The following CARM1 variants were observed in gnomAD, a reference collection of about 807,000 sequenced individuals.
The protein encoded by CARM1 is histone-arginine methyltransferase CARM1.
CARM1 carries 14 observed loss-of-function variants against 72.7 expected under a neutral mutation model. The ratio of observed to expected loss-of-function variants is 0.19; its 90% confidence interval spans 0.13 to 0.30. The LOEUF (loss-of-function observed/expected upper bound fraction) is 0.30. Among genes scored for constraint, CARM1 ranks in the 10% least tolerant of loss-of-function variants. The probability of loss-of-function intolerance (pLI) is 1.00; values close to 1 mark genes in which losing one functional copy is unlikely to be tolerated. For synonymous variants in CARM1, 333 were observed against 345.5 expected (o/e 0.96, Z 0.40); for missense variants, 432 against 833.7 (o/e 0.52, Z 5.93).
In CARM1 at chr19:10,920,981, G is replaced by C; in HGVS notation, c.1537+35G>C. ...GCCCACCCCAATGCCCAGCCAACCC[G>C]GGAGGCCGCCCTCGCCGCAGGCCTG... is the stretch of plus-strand genomic sequence containing the variant. On this transcript the variant is annotated intron_variant, in intron 13 of 15. Transcript: ENST00000327064. The surrounding 1 kb of genome is among the most constrained non-coding windows in gnomAD (Gnocchi z 5.3). 3.1e-6 allele frequency: 5 copies of C among 1,612,984 alleles called. No individual in the cohort carries two copies. The East Asian group carries it at 1.1e-4, about 36-fold the overall frequency.
rs2074262545 is a variant in CARM1 at position 10,922,089 on chromosome 19, C to T, written c.*332C>T. The T allele has an allele frequency of 1.4e-5, 3 of 213,636 alleles. No individual in the cohort carries two copies. The highest frequency in any genetic ancestry group is 2.3e-5 in the African/African-American group (1 of 43,590). The allele number at this position is 213,636 out of a possible 1,614,324, so 13.2% of individuals were successfully genotyped here. On this transcript the variant is annotated 3_prime_UTR_variant, in exon 16 of 16. Transcript: ENST00000327064. ...GGCCTGCCAGCCCTGCCTGCCAGGTCCCTTAGCACCTGTCCCCCTGCCTGT... is the reference window on the plus strand; with the variant it reads ...GGCCTGCCAGCCCTGCCTGCCAGGTTCCTTAGCACCTGTCCCCCTGCCTGT...
intron 1 of CARM1, among the ~76,000 whole-genome samples, chr19:10,878,810 T>TG (rs1275728163): frequency 1.3e-5 from 2 of 150,832 alleles, no homozygotes; most frequent in East Asian, 3.9e-4. Flanking sequence ...CCCCCGGCTT[T>TG]TTTTTTTTTT....
intron 2 of CARM1, among the ~76,000 whole-genome samples, chr19:10,906,454 G>T (rs2074104787): frequency 6.6e-6 from 1 of 152,164 alleles, no homozygotes; most frequent in African/African-American, 2.4e-5. Context: ...ATCCCGAACT[G>T]TGTCTTTTCA....
chr19:10,872,816 C>G (rs566112169), intron 1 of CARM1, among the ~76,000 whole-genome samples: 5 of 152,144 alleles, frequency 3.3e-5, no homozygotes, highest in Admixed American at 3.3e-4. Context: ...TTTTGCTACT[C>G]TGTGTCATTT....
At chr19:10,901,401 T>C (rs886713577) in intron 1 of CARM1, among the ~76,000 whole-genome samples, 1 of 151,884 alleles carries the variant, frequency 6.6e-6, no homozygotes, top group Non-Finnish European at 1.5e-5. Flanking sequence ...ACTGCAACCT[T>C]GAGCTCCCGG....
In CARM1 at chr19:10,913,892, A is replaced by G. The variant is rs1381526029; in HGVS notation, c.685A>G (p.Asn229Asp). 1 of 1,612,808 alleles carries G rather than the reference A, an allele frequency of 6.2e-7. No homozygotes were observed. The highest frequency in any genetic ancestry group is 8.5e-7 in the Non-Finnish European group (1 of 1,179,714). The change falls in exon 6 of 16, where the codon AAC (asparagine) becomes GAC (aspartate). Residue 229 changes from asparagine to aspartate, a missense_variant. Asn to Asp is a conservative substitution (Grantham distance 23). Coordinates refer to ENST00000327064, the MANE Select transcript of CARM1 (RefSeq NM_199141.2). ...AQHAEVLVKS[N>D]NLTDRIVVIP... ...CCGCCTGCAGGTCTTGGTGAAGAGT[A>G]ACAACCTGACGGACCGCATCGTGGT...
At chr19:10,899,814 G>A (rs562803401) in intron 1 of CARM1, among the ~76,000 whole-genome samples, 42 of 150,928 alleles carry the variant, frequency 2.8e-4, no homozygotes, top group Non-Finnish European at 4.9e-4. Context: ...TCCACCTCCC[G>A]GGTTCAAGCG....
At position 10,921,953 on chromosome 19, in the gene CARM1, C is replaced by T. The variant is rs956502271; in HGVS notation, c.*196C>T. ...CTAACCCCCACCTCCCGGCCCTGAG[C>T]GTGTGTCGCTGCCATATTTTACACA... On this transcript the variant is annotated 3_prime_UTR_variant, in exon 16 of 16. Coordinates refer to ENST00000327064, the MANE Select transcript of CARM1 (RefSeq NM_199141.2). 5.0e-5 allele frequency: 27 copies of T among 543,200 alleles called. No individual in the cohort carries two copies. The highest frequency in any genetic ancestry group is 4.8e-4 in the Middle Eastern group (1 of 2,094). The allele number at this position is 543,200 out of a possible 1,614,324, so 33.6% of individuals were successfully genotyped here.
intron 14 of CARM1, 121 bp downstream of exon 14, chr19:10,921,248 T>C (rs2145250420): frequency 1.4e-6 from 2 of 1,428,634 alleles, no homozygotes; most frequent in East Asian, 2.3e-5. Flanking sequence ...TTCCTCTTCC[T>C]GGGGGCTCTC....
intron 1 of CARM1, among the ~76,000 whole-genome samples, chr19:10,894,915 A>G (rs987073686): frequency 2.6e-5 from 4 of 151,206 alleles, no homozygotes; most frequent in African/African-American, 9.8e-5. Context: ...TAATTTTTTT[A>G]TTATTATTTG....
chr19:10,917,329 T>A (rs1212211322), intron 8 of CARM1, among the ~76,000 whole-genome samples: 5 of 151,888 alleles, frequency 3.3e-5, no homozygotes, highest in African/African-American at 4.8e-5. Flanking sequence ...TACAAAAAAT[T>A]AGCCAGACGT....
intron 1 of CARM1, among the ~76,000 whole-genome samples, chr19:10,888,799 A>G (rs2073960631): frequency 6.6e-6 from 1 of 152,226 alleles, no homozygotes; most frequent in Non-Finnish European, 1.5e-5. Context: ...AGACATTTGC[A>G]TGTAATAGCT....
At chr19:10,902,752 G>T (rs2074075726) in intron 1 of CARM1, among the ~76,000 whole-genome samples, 2 of 151,884 alleles carry the variant, frequency 1.3e-5, no homozygotes, top group Non-Finnish European at 1.5e-5. Context: ...GGGACTACAG[G>T]CGCATGCCAC....
intron 2 of CARM1, among the ~76,000 whole-genome samples, chr19:10,906,947 C>T (rs1249522277): frequency 1.4e-5 from 2 of 143,868 alleles, no homozygotes; most frequent in Non-Finnish European, 3.0e-5. Flanking sequence ...CACTCTGTTG[C>T]CCAGGCTGGA....
At chr19:10,917,718 CTTTT>C (rs1164032277) in intron 8 of CARM1, among the ~76,000 whole-genome samples, 1 of 129,822 alleles carries the variant, frequency 7.7e-6, no homozygotes. Flanking sequence ...TTTTCTTTTT[CTTTT>C]TTTTTTTTTT....
In CARM1 at chr19:10,896,172, T is replaced by C. The variant is rs79817795; in HGVS notation, c.221-8779T>C. Among the ~76,000 whole-genome samples, 4 of 152,198 alleles carry C rather than the reference T, an allele frequency of 2.6e-5. No individual in the cohort carries two copies. Among genetic ancestry groups the C allele is most frequent in the Non-Finnish European group, 5.9e-5 (4 of 67,980 alleles). On this transcript the variant is annotated intron_variant, in intron 1 of 15. Transcript: ENST00000327064. This position sits in a 1 kb window ranked among gnomAD's most constrained non-coding sequence, Gnocchi z 5.2. ...GCATGGTATGTCGCCCGGCACCATC[T>C]GCTCAGTGAGACCCTTGAGAGACGT...
intron 1 of CARM1, among the ~76,000 whole-genome samples, chr19:10,902,954 A>G (rs1025137540): frequency 6.6e-6 from 1 of 151,998 alleles, no homozygotes; most frequent in Admixed American, 6.6e-5. Flanking sequence ...ACAATAGATG[A>G]TTTGCAAATA....
rs544858895 is a variant in CARM1 at position 10,905,255 on chromosome 19, C to G, written c.346+179C>G. On this transcript the variant is annotated intron_variant, in intron 2 of 15. Coordinates refer to ENST00000327064, the MANE Select transcript of CARM1 (RefSeq NM_199141.2). ...GAATACACTCTGGCCTGGGCAGACC[C>G]TGGATCCCAGACCCTCCCTCACCGG... 5.3e-5 allele frequency among the ~76,000 whole-genome samples: 8 copies of G among 152,378 alleles called. No individual in the cohort carries two copies. The East Asian group carries it at 1.5e-3, about 29-fold the overall frequency.
At chr19:10,904,763 C>T (rs756388288) in intron 1 of CARM1, among the ~76,000 whole-genome samples, 188 bp from the exon 2 acceptor site, 3 of 152,194 alleles carry the variant, frequency 2.0e-5, no homozygotes, top group Non-Finnish European at 2.9e-5. Context: ...TCTGATCAGT[C>T]GCTCCCTTGT....
Sources: gnomAD v4.1 joint callset for allele counts (sites outside exome capture counted in the v4.1 genomes callset) on GRCh38, gnomAD v4.1.1 for gene constraint, Gnocchi (gnomAD v3.1) non-coding constraint, MANE v1.5 for transcripts, NCBI Gene and HGNC (gene_info 2026-07-23, HGNC 2026-07-21) for gene names.